Variants in CFAP47 observed in about 807,000 individuals in gnomAD.
The protein encoded by CFAP47 is cilia- and flagella-associated protein 47.
Under a neutral mutation model 148.1 loss-of-function variants are expected in CFAP47, and 29 were observed. That is an observed-to-expected ratio of 0.20 (90% CI 0.15 to 0.27). The LOEUF (loss-of-function observed/expected upper bound fraction) is 0.27, where lower values mean the gene tolerates loss of function less well. Ranked by LOEUF, CFAP47 falls within the 10% of genes least tolerant of loss-of-function variation. CFAP47 has a pLI of 1.00. For missense variants in CFAP47, 1,872 were observed against 1,697.5 expected (o/e 1.10, Z -1.81); for synonymous variants, 664 against 577.3 (o/e 1.15, Z -2.15).
intron 57 of CFAP47, among the ~76,000 whole-genome samples, chrX:36,328,565 C>CTT (rs1440276415): frequency 9.2e-6 from 1 of 109,239 alleles, no homozygotes; most frequent in East Asian, 2.9e-4. Context: ...AATCCCAGCA[C>CTT]TTTGGGAGGC....
intron 33 of CFAP47, among the ~76,000 whole-genome samples, chrX:36,111,919 A>G (rs893787375): frequency 8.9e-6 from 1 of 111,817 alleles, no homozygotes; most frequent in African/African-American, 3.3e-5. Flanking sequence ...ATATTCTCTG[A>G]TAATTATTTT....
chrX:35,982,634 A>G (rs1291840432), intron 15 of CFAP47, among the ~76,000 whole-genome samples: 1 of 111,062 alleles, frequency 9.0e-6, no homozygotes, highest in Non-Finnish European at 1.9e-5. Context: ...TGATTTTTGT[A>G]TGTTGTGTAA....
chrX:36,216,944 A>G (rs1199698748), intron 45 of CFAP47, among the ~76,000 whole-genome samples: 2 of 86,416 alleles, frequency 2.3e-5, no homozygotes. Context: ...TCTTTTGTCT[A>G]ATGTATTAGT....
intron 62 of CFAP47, chrX:36,367,937 T>C (rs1941894548): frequency 8.9e-6 from 1 of 112,022 alleles, no homozygotes; most frequent in Admixed American, 9.5e-5. Context: ...GCTTTGCATA[T>C]ATTTGATCCA....
chrX:36,235,752 G>C (rs1297059705), intron 46 of CFAP47, among the ~76,000 whole-genome samples, 182 bp from the exon 47 acceptor site: 1 of 112,238 alleles, frequency 8.9e-6, no homozygotes, highest in African/African-American at 3.2e-5. Context: ...TTCCTATTCG[G>C]CCATCTTGGC....
chrX:36,175,028 C>T (rs1273662701), intron 39 of CFAP47, among the ~76,000 whole-genome samples: 1 of 111,875 alleles, frequency 8.9e-6, no homozygotes, highest in African/African-American at 3.3e-5. Context: ...CTAAACTTCC[C>T]TTCTCGCTTC....
chrX:36,138,998 C>A (rs1419652265), intron 35 of CFAP47, among the ~76,000 whole-genome samples: 1 of 110,917 alleles, frequency 9.0e-6, no homozygotes, highest in Admixed American at 9.6e-5. Context: ...TTTTATGAGC[C>A]TTTTGTTTGT....
At chrX:36,179,833 G>C (rs1047409253) in intron 40 of CFAP47, among the ~76,000 whole-genome samples, 1 of 110,142 alleles carries the variant, frequency 9.1e-6, no homozygotes, top group African/African-American at 3.3e-5. Context: ...AGTATCAGAT[G>C]GCTTTCCTGA....
At chrX:36,227,943 A>G (rs782175275) in intron 45 of CFAP47, among the ~76,000 whole-genome samples, 2 of 112,275 alleles carry the variant, frequency 1.8e-5, no homozygotes, top group Admixed American at 9.5e-5. Context: ...ATGAGAATAG[A>G]TAGCTCAACC....
intron 49 of CFAP47, among the ~76,000 whole-genome samples, chrX:36,255,689 G>A (rs782161823): frequency 9.0e-6 from 1 of 111,641 alleles, no homozygotes; most frequent in Admixed American, 9.5e-5. Flanking sequence ...GTCTTCCACA[G>A]TTGTATTTGA....
At chrX:36,171,450 A>C (rs1939577615) in intron 39 of CFAP47, among the ~76,000 whole-genome samples, 1 of 107,347 alleles carries the variant, frequency 9.3e-6, no homozygotes, top group Non-Finnish European at 1.9e-5. Flanking sequence ...TTAAGTCTTT[A>C]ATCCATCTTG....
intron 45 of CFAP47, among the ~76,000 whole-genome samples, chrX:36,214,107 A>G (rs1213429797): frequency 9.0e-6 from 1 of 111,690 alleles, no homozygotes; most frequent in Non-Finnish European, 1.9e-5. Flanking sequence ...ATAGCCTACT[A>G]ATCACCTAGG....
intron 2 of CFAP47, among the ~76,000 whole-genome samples, chrX:35,927,364 A>T (rs1009658209): frequency 9.0e-6 from 1 of 111,431 alleles, no homozygotes; most frequent in Admixed American, 9.6e-5. Flanking sequence ...TTTAAGTAGA[A>T]CCATTTTGTA....
intron 10 of CFAP47, among the ~76,000 whole-genome samples, chrX:35,968,491 C>A (rs760374607): frequency 8.9e-6 from 1 of 111,871 alleles, no homozygotes; most frequent in African/African-American, 3.2e-5. Flanking sequence ...ATAGTTTTTA[C>A]ACATTTGAGA....
intron 15 of CFAP47, among the ~76,000 whole-genome samples, chrX:35,982,351 T>A (rs1375221382): frequency 1.8e-5 from 2 of 111,521 alleles, no homozygotes; most frequent in African/African-American, 6.5e-5. Flanking sequence ...GCCCATTTTT[T>A]AATATTAGAC....
intron 57 of CFAP47, among the ~76,000 whole-genome samples, chrX:36,330,919 C>A (rs1336474720): frequency 9.0e-6 from 1 of 111,310 alleles, no homozygotes; most frequent in Non-Finnish European, 1.9e-5. Flanking sequence ...TCAATGTTTC[C>A]CTCTTTTAGA....
chrX:35,925,449 A>T (rs1014000177), intron 1 of CFAP47, among the ~76,000 whole-genome samples: 4 of 111,914 alleles, frequency 3.6e-5, no homozygotes, highest in Admixed American at 1.9e-4. Flanking sequence ...CAAATAAATA[A>T]GTGATGTGAT....
intron 39 of CFAP47, among the ~76,000 whole-genome samples, chrX:36,178,383 A>G (rs1462319672): frequency 8.9e-6 from 1 of 111,976 alleles, no homozygotes; most frequent in Middle Eastern, 4.6e-3. Context: ...AAATTTGACT[A>G]AAGAAAAAAA....
chrX:36,039,884 T>C (rs1937382628), intron 25 of CFAP47, among the ~76,000 whole-genome samples: 2 of 111,921 alleles, frequency 1.8e-5, no homozygotes, highest in Admixed American at 9.5e-5. Flanking sequence ...GTCAGACCCA[T>C]CCATGATAAT....
Sources: allele counts gnomAD v4.1 joint callset (sites outside exome capture counted in the v4.1 genomes callset), GRCh38; gene constraint gnomAD v4.1.1; transcripts MANE v1.5; gene names NCBI Gene and HGNC (gene_info 2026-07-23, HGNC 2026-07-21).